Variants in CHD8 observed in about 807,000 individuals in gnomAD.
The protein encoded by CHD8 is ATP-dependent chromatin remodeler CHD8.
Under a neutral mutation model 279.2 loss-of-function variants are expected in CHD8, and 31 were observed. The ratio of observed to expected loss-of-function variants is 0.11; its 90% CI spans 0.08 to 0.15. The LOEUF (loss-of-function observed/expected upper bound fraction) is 0.15, where lower values mean the gene tolerates loss of function less well. Among genes scored for constraint, CHD8 ranks in the 10% least tolerant of loss-of-function variants. CHD8 has a pLI of 1.00. For synonymous variants in CHD8, 1,081 were observed against 1,139.6 expected (o/e 0.95, Z 1.04); for missense variants, 2,146 against 3,230.5 (o/e 0.66, Z 8.14).
chr14:21,393,441 G>A, intron 32 of CHD8, 35 bp downstream of exon 32: 2 of 1,519,160 alleles, frequency 1.3e-6, no homozygotes, highest in Non-Finnish European at 1.8e-6. Flanking sequence ...GGGGGAAATA[G>A]GGAAGGGGGC....
At position 21,391,744 on chromosome 14, in the gene CHD8, T is replaced by C. The variant is rs529178653; in HGVS notation, c.6885+89A>G. 187 of 1,521,370 alleles carry C rather than the reference T, an allele frequency of 1.2e-4. 1 individual carries two copies. The South Asian group carries it at 2.1e-3, about 17-fold the overall frequency. The allele number at this position is 1,521,370 out of a possible 1,614,324, so 94.2% of individuals were successfully genotyped here. On this transcript the variant is annotated intron_variant, in intron 35 of 37. Coordinates refer to ENST00000646647, the MANE Select transcript of CHD8 (RefSeq NM_001170629.2). ...TAGTCATGAAATGACTCTAGTATTT[T>C]CCATTCCCCCAGTCCCACTGCCTTC...
rs1888144732 is a variant in CHD8 at position 21,403,951 on chromosome 14, T to C, written c.3308-288A>G. On this transcript the variant is annotated intron_variant, in intron 16 of 37. Transcript: ENST00000646647. The surrounding 1 kb of genome is among the most constrained non-coding windows in gnomAD (Gnocchi z 4.3). ...CCGTCTCTACTAACAATACAAAAAT[T>C]AGCCAGGTGTGGTGGCGGAGGCCTG... Among the ~76,000 whole-genome samples, 1 of 151,944 alleles carries C rather than the reference T, an allele frequency of 6.6e-6. No homozygotes were observed. The highest frequency in any genetic ancestry group is 1.5e-5 in the Non-Finnish European group (1 of 68,010).
At chr14:21,398,873 CAGA>C (rs1189377817) in intron 26 of CHD8, 8 of 245,490 alleles carry the variant, frequency 3.3e-5, no homozygotes, top group Admixed American at 5.1e-5. Context: ...TGTAGAAAAA[CAGA>C]AGATTTTCAG....
chr14:21,451,119 G>A (rs1289346171), intron 1 of CHD8, among the ~76,000 whole-genome samples: 1 of 152,080 alleles, frequency 6.6e-6, no homozygotes, highest in Non-Finnish European at 1.5e-5. Context: ...ACACATAACA[G>A]TAAATCATAG....
chr14:21,391,716 TG>T (rs1887550798), intron 35 of CHD8, 74 bp from the exon 36 acceptor site: 4 of 1,518,464 alleles, frequency 2.6e-6, no homozygotes, highest in Non-Finnish European at 3.6e-6. Context: ...GCAGGGCCAA[TG>T]GTAGTCATGA....
chr14:21,397,990 T>C (rs1453726033), intron 26 of CHD8, 38 bp from the exon 27 acceptor site: 1 of 1,570,258 alleles, frequency 6.4e-7, no homozygotes. Flanking sequence ...AAAATGAGAT[T>C]TGTTTTGCCT....
intron 1 of CHD8, among the ~76,000 whole-genome samples, chr14:21,450,699 T>TG (rs1196807734): frequency 2.0e-5 from 3 of 151,684 alleles, no homozygotes; most frequent in Non-Finnish European, 4.4e-5. Flanking sequence ...AAAAAAAGCG[T>TG]AAGACCTTAT....
In CHD8 at chr14:21,403,321, C is replaced by T; in HGVS notation, c.3519-109G>A. 3.1e-6 allele frequency: 4 copies of T among 1,308,118 alleles called. No individual in the cohort carries two copies. The highest frequency in any genetic ancestry group is 4.2e-6 in the Non-Finnish European group (4 of 947,870). The allele number at this position is 1,308,118 out of a possible 1,614,324, so 81.0% of individuals were successfully genotyped here. ...TCCCATATCAAAGCTGGTCAAAAAC[C>T]CAAGTTGAGAGTGAGAATCTTAAAA... On this transcript the variant is annotated intron_variant, in intron 17 of 37. Coordinates refer to ENST00000646647, the MANE Select transcript of CHD8 (RefSeq NM_001170629.2). This position sits in a 1 kb window ranked among gnomAD's most constrained non-coding sequence, Gnocchi z 4.3.
intron 26 of CHD8, chr14:21,398,989 C>A (rs529333927): frequency 7.2e-6 from 3 of 418,170 alleles, no homozygotes; most frequent in Non-Finnish European, 1.4e-5. Flanking sequence ...CCGAGTGACA[C>A]CAGTGAAAAT....
intron 2 of CHD8, chr14:21,430,559 T>G (rs1309870607): frequency 2.1e-6 from 1 of 465,364 alleles, no homozygotes; most frequent in Non-Finnish European, 3.9e-6. Context: ...GGGACTGTGT[T>G]TGCCTTATTT....
chr14:21,395,475 A>C lies in CHD8; in HGVS notation c.5128-123T>G, dbSNP rs866203610. The C allele has an allele frequency of 1.9e-5, 13 of 674,408 alleles. No individual in the cohort carries two copies. The South Asian group carries it at 2.4e-4, about 13-fold the overall frequency. 41.8% of individuals were successfully genotyped at this position (674,408 alleles called of 1,614,324 possible). On this transcript the variant is annotated intron_variant, in intron 28 of 37. Coordinates refer to ENST00000646647, the MANE Select transcript of CHD8 (RefSeq NM_001170629.2). ...ACCAAGGGATCAAGAAAAACTTCTA[A>C]AGAAATATATCCCCACAAAAACTTG...
chr14:21,448,950 A>G lies in CHD8; in HGVS notation c.-216+7082T>C, dbSNP rs368457317. ...AGTACTTTGGGAGGCCGAGGCGGGC[A>G]GATCACGAGGTCAGGAGATCGAGAC... is the stretch of plus-strand genomic sequence containing the variant. On this transcript the variant is annotated intron_variant, in intron 1 of 37. Coordinates refer to ENST00000646647, the MANE Select transcript of CHD8 (RefSeq NM_001170629.2). Among the ~76,000 whole-genome samples, 1,460 of 150,954 alleles carry G rather than the reference A, an allele frequency of 9.7e-3. 27 individuals are homozygous for G. The highest frequency in any genetic ancestry group is 0.031 in the African/African-American group (1,280 of 41,356).
chr14:21,419,059 C>T (rs1888889390), intron 5 of CHD8, among the ~76,000 whole-genome samples: 1 of 152,138 alleles, frequency 6.6e-6, no homozygotes, highest in Non-Finnish European at 1.5e-5. Flanking sequence ...GTATATTCTA[C>T]GTCATTTTAA....
intron 10 of CHD8, among the ~76,000 whole-genome samples, chr14:21,411,397 C>A (rs944613033): frequency 1.3e-5 from 2 of 152,042 alleles, no homozygotes; most frequent in Non-Finnish European, 2.9e-5. Flanking sequence ...TCTGAGTGAA[C>A]CTGAAGACTT....
chr14:21,389,170 C>T (rs541768439), intron 37 of CHD8, among the ~76,000 whole-genome samples: 2 of 151,780 alleles, frequency 1.3e-5, no homozygotes, highest in South Asian at 2.1e-4. Context: ...CATGGTTGCA[C>T]ACACCTGTAA....
At position 21,428,218 on chromosome 14, in the gene CHD8, C is replaced by G. The variant is rs926439475; in HGVS notation, c.1252G>C (p.Val418Leu). ...TCACTGGCACTCAGAACTTTAACTA[C>G]AGAGAGCCCAGAAGAGGCCCCTTGG... ...SSQGASSGLS[V>L]VKVLSASEVA... The change falls in exon 4 of 38, where the codon GTA becomes CTA. Residue 418 changes from valine to leucine, a missense_variant. Coordinates refer to ENST00000646647, the MANE Select transcript of CHD8 (RefSeq NM_001170629.2). 1 of 1,614,008 alleles carries G rather than the reference C, an allele frequency of 6.2e-7. No individual in the cohort carries two copies. The highest frequency in any genetic ancestry group is 8.5e-7 in the Non-Finnish European group (1 of 1,179,896).
chr14:21,395,414 T>A, intron 28 of CHD8, 62 bp from the exon 29 acceptor site: 1 of 1,174,454 alleles, frequency 8.5e-7, no homozygotes, highest in East Asian at 2.5e-5. Context: ...AAGTTGGCAC[T>A]CTGAAATCAC....
At position 21,394,333 on chromosome 14, in the gene CHD8, T is replaced by C. The variant is rs1181763151; in HGVS notation, c.5543A>G (p.His1848Arg). 3.9e-5 allele frequency: 63 copies of C among 1,613,830 alleles called. No homozygotes were observed. The highest frequency in any genetic ancestry group is 5.0e-5 in the Non-Finnish European group (59 of 1,179,878). Residue 1848 changes from histidine (H) to arginine (R), a missense_variant, in exon 31 of 38, where the codon CAT (histidine) becomes CGT (arginine). This residue lies in a region of CHD8 where 513 missense variants were observed against 637.6 expected (regional missense o/e 0.80). Coordinates refer to ENST00000646647, the MANE Select transcript of CHD8 (RefSeq NM_001170629.2). ...TTGGCGGCACATGGCCACAAAGCCA[T>C]GGAAGTACTTGGTAAGGCTTTCATC... Reference protein sequence around the residue: ...KTDESLTKYFHGFVAMCRQVC... With the variant: ...KTDESLTKYFRGFVAMCRQVC...
chr14:21,386,147 C>T lies in CHD8; in HGVS notation c.7212G>A (p.Arg2404=), dbSNP rs1887220934. ...CTGGTGCAATAGGCCCTGGCAAAAC[C>T]CGGTTGAACACCGTTTCAGTGTGAT... ...KGHHTETVFN[R]VLPGPIAPES... is the part of the protein sequence containing the mutation. The change falls in exon 38 of 38, where the codon CGG becomes CGA. Residue 2404 remains arginine (R), a synonymous_variant. Transcript: ENST00000646647. 1 of 1,552,074 alleles carries T rather than the reference C, an allele frequency of 6.4e-7. No homozygotes were observed. The highest frequency in any genetic ancestry group is 1.4e-5 in the African/African-American group (1 of 72,998).
Sources: allele counts gnomAD v4.1 joint callset (sites outside exome capture counted in the v4.1 genomes callset), GRCh38; gene constraint gnomAD v4.1.1; regional missense constraint gnomAD v4.1.1; non-coding constraint Gnocchi (gnomAD v3.1); transcripts MANE v1.5; gene names NCBI Gene and HGNC (gene_info 2026-07-23, HGNC 2026-07-21).